SYNE2: variants seen among roughly 807,000 people sequenced by gnomAD.
SYNE2 encodes nesprin-2.
SYNE2 carries 431 observed loss-of-function variants against 856.3 expected under a neutral mutation model. The ratio of observed to expected loss-of-function variants is 0.50; its 90% CI spans 0.47 to 0.55. SYNE2 has a LOEUF of 0.55. Among genes scored for constraint, SYNE2 ranks in the 20% least tolerant of loss-of-function variants. SYNE2 has a pLI of 0.00. For synonymous variants in SYNE2, 2,923 were observed against 2,872.3 expected (o/e 1.02, Z -0.56); for missense variants, 8,129 against 8,023.2 (o/e 1.01, Z -0.50).
intron 90 of SYNE2, chr14:64,166,905 C>G (rs1332575369): frequency 2.8e-6 from 1 of 351,260 alleles, no homozygotes; most frequent in Non-Finnish European, 5.5e-6. Context: ...TGCAGTCCAG[C>G]CTGGGCGACA....
At chr14:64,059,712 A>G (rs2097301440) in intron 49 of SYNE2, among the ~76,000 whole-genome samples, 1 of 152,244 alleles carries the variant, frequency 6.6e-6, no homozygotes, top group African/African-American at 2.4e-5. Context: ...CTTGGGCTCT[A>G]CAATCAACAG....
chr14:63,903,489 A>G (rs1432942292), intron 1 of SYNE2, among the ~76,000 whole-genome samples: 1 of 151,614 alleles, frequency 6.6e-6, no homozygotes, highest in Non-Finnish European at 1.5e-5. Context: ...TTTGTTATTT[A>G]TTTATTTTTA....
At position 64,125,084 on chromosome 14, in the gene SYNE2, C is replaced by T. The variant is rs1403274122; in HGVS notation, c.13428C>T (p.Ser4476=). The T allele has an allele frequency of 6.2e-7, 1 of 1,613,956 alleles. No homozygotes were observed. The highest frequency in any genetic ancestry group is 1.3e-5 in the African/African-American group (1 of 74,928). Residue 4476 remains serine, a synonymous_variant, in exon 71 of 116, where the codon TCC becomes TCT. Transcript: ENST00000555002. ...PLPQLVEPQV[S]TNMGILPSVT... ...GGTTTTCCTTTGTCAAATAGGTTTC[C>T]ACAAATATGGGTATTCTACCCAGCG...
At chr14:64,058,445 C>G (rs927960369) in intron 49 of SYNE2, among the ~76,000 whole-genome samples, 1 of 151,998 alleles carries the variant, frequency 6.6e-6, no homozygotes, top group Non-Finnish European at 1.5e-5. Flanking sequence ...AGTAAACTTT[C>G]GACCCATTAT....
intron 1 of SYNE2, among the ~76,000 whole-genome samples, chr14:63,869,316 A>G (rs1043604053): frequency 3.3e-5 from 5 of 152,082 alleles, no homozygotes; most frequent in Admixed American, 2.0e-4. Context: ...CTGAGCCCCT[A>G]CTTTTTCATC....
At chr14:64,198,240 G>C (rs1329401493) in intron 99 of SYNE2, among the ~76,000 whole-genome samples, 2 of 152,228 alleles carry the variant, frequency 1.3e-5, no homozygotes, top group Non-Finnish European at 2.9e-5. Flanking sequence ...ATGTCAGGCA[G>C]TGTTGTGGTT....
intron 1 of SYNE2, among the ~76,000 whole-genome samples, chr14:63,863,987 A>G (rs1270081796): frequency 6.6e-6 from 1 of 151,900 alleles, no homozygotes; most frequent in African/African-American, 2.4e-5. Context: ...ACGCTTGACT[A>G]ATTTTTTGTA....
At position 64,026,740 on chromosome 14, in the gene SYNE2, A is replaced by G. The variant is rs2096982334; in HGVS notation, c.6404+10A>G. 3.1e-6 allele frequency: 5 copies of G among 1,600,706 alleles called. No homozygotes were observed. Among genetic ancestry groups the G allele is most frequent in the African/African-American group, 1.3e-5 (1 of 74,796 alleles). On this transcript the variant is annotated intron_variant, in intron 42 of 115. Transcript: ENST00000555002. The stretch of plus-strand genomic sequence containing the variant: ...CTAGCACCTACCTAAGGTAAAGGGC[A>G]TGCCTGCACCACTTGCATCATATCC...
chr14:64,152,566 T>C lies in SYNE2; in HGVS notation c.15642T>C (p.Asp5214=). ...ACCTTTTCCTCTTACTCTTCCAGGA[T>C]ATAGAAAATCAACTTGCAATTAAAT... ...SVQKLLLDCQ[D]IENQLAIKSK... The change falls in exon 85 of 116, where the codon GAT becomes GAC. Residue 5214 remains aspartate (D), a splice_region_variant and synonymous_variant. Transcript: ENST00000555002. The C allele has an allele frequency of 6.2e-7, 1 of 1,614,000 alleles. No homozygotes were observed. The highest frequency in any genetic ancestry group is 8.5e-7 in the Non-Finnish European group (1 of 1,179,922).
At position 63,967,739 on chromosome 14, in the gene SYNE2, G is replaced by T. The variant is rs756434420; in HGVS notation, c.1021G>T (p.Glu341Ter). 1 of 1,614,064 alleles carries T rather than the reference G, an allele frequency of 6.2e-7. No homozygotes were observed. Among genetic ancestry groups the T allele is most frequent in the Non-Finnish European group, 8.5e-7 (1 of 1,179,944 alleles). Residue 341 changes from glutamate to a stop codon, truncating the protein, a stop_gained, in exon 11 of 116, where the codon GAA becomes TAA. Coordinates refer to ENST00000555002, the MANE Select transcript of SYNE2 (RefSeq NM_182914.3). LOFTEE classifies it high-confidence loss of function. ...SLLSFMESFNEEKKSFLDVLS... is the reference protein window; with the variant it reads ...SLLSFMESFN ...GCTGTCCTTTATGGAGTCATTCAAT[G>T]AAGAAAAAAAGTCCTTTTTGGATGT...
In SYNE2 at chr14:64,167,365, G is replaced by A. The variant is rs763730992; in HGVS notation, c.16738G>A (p.Ala5580Thr). 6 of 1,614,226 alleles carry A rather than the reference G, an allele frequency of 3.7e-6. No individual in the cohort carries two copies. Among genetic ancestry groups the A allele is most frequent in the Non-Finnish European group, 5.1e-6 (6 of 1,180,032 alleles). Residue 5580 changes from alanine (A) to threonine (T), a missense_variant, in exon 91 of 116, where the codon GCC becomes ACC. By Grantham distance (58) the Ala-to-Thr change is moderately conservative. Coordinates refer to ENST00000555002, the MANE Select transcript of SYNE2 (RefSeq NM_182914.3). ...GAACCGGCAATGGATTCGGGCCACG[G>A]CCACGGCACTGGAGCGCTGCAGGTT... ...NMNRQWIRATATALERCSELQ... is the reference protein window; with the variant it reads ...NMNRQWIRATTTALERCSELQ...
At chr14:63,955,064 C>T in intron 8 of SYNE2, 149 bp downstream of exon 8, 1 of 694,562 alleles carries the variant, frequency 1.4e-6, no homozygotes, top group Non-Finnish European at 2.5e-6. Context: ...TTGATGCAAT[C>T]AAACAATTCC....
At chr14:63,882,985 AC>A (rs2094899892) in intron 1 of SYNE2, among the ~76,000 whole-genome samples, 1 of 119,588 alleles carries the variant, frequency 8.4e-6, no homozygotes, top group Non-Finnish European at 1.8e-5. Context: ...CATAGTAAGC[AC>A]TCTGTTTTTT....
chr14:64,017,594 G>C lies in SYNE2; in HGVS notation c.4888-1G>C, dbSNP rs1231215343. On this transcript the variant is annotated splice_acceptor_variant, in intron 33 of 115. Transcript: ENST00000555002. LOFTEE classifies it high-confidence loss of function. The stretch of plus-strand genomic sequence containing the variant: ...TTGTTTCTCTTTTTAAATTATGGTA[G>C]ATAAATGAGAAGACAGAAGATTACT... The C allele has an allele frequency of 5.6e-6, 9 of 1,609,454 alleles. No homozygotes were observed. The highest frequency in any genetic ancestry group is 6.8e-6 in the Non-Finnish European group (8 of 1,176,932).
chr14:64,216,539 G>T, intron 108 of SYNE2, 152 bp downstream of exon 108: 1 of 887,724 alleles, frequency 1.1e-6, no homozygotes, highest in Admixed American at 1.9e-5. Context: ...CTGTTGAGCT[G>T]TCCATACTTC....
intron 96 of SYNE2, among the ~76,000 whole-genome samples, chr14:64,183,158 A>T (rs1378948997): frequency 1.4e-5 from 2 of 147,114 alleles, no homozygotes; most frequent in Non-Finnish European, 3.0e-5. Flanking sequence ...CACTTCTCGG[A>T]CGGGGCGACT....
intron 2 of SYNE2, among the ~76,000 whole-genome samples, chr14:63,932,443 A>G (rs1334910908): frequency 1.3e-5 from 2 of 152,116 alleles, no homozygotes; most frequent in East Asian, 3.9e-4. Context: ...GCAGTGGCTC[A>G]TGCCTGTAAT....
chr14:64,216,387 T>C lies in SYNE2; in HGVS notation c.19542T>C (p.Tyr6514=), dbSNP rs904364473. The C allele has an allele frequency of 2.5e-6, 4 of 1,614,062 alleles. No homozygotes were observed. The African/African-American group carries it at 4.0e-5, about 16-fold the overall frequency. The change falls in exon 108 of 116, where the codon TAT becomes TAC. Residue 6514 remains tyrosine, a splice_region_variant and synonymous_variant. Coordinates refer to ENST00000555002, the MANE Select transcript of SYNE2 (RefSeq NM_182914.3). ...CCAGCACCCCTTATAAACCACCCTA[T>C]GTAAGTCTTAACTTCACTGGGAGTA... ...PASSTPYKPP[Y]GKLLLPPGTD...
Position 63,963,549 on chromosome 14 carries a change from G to T in SYNE2, c.889-350G>T, listed in dbSNP as rs1255887. Among the ~76,000 whole-genome samples the T allele has an allele frequency of 0.31, 47,721 of 151,948 alleles. 7,783 individuals are homozygous for T. The highest frequency in any genetic ancestry group is 0.37 in the African/African-American group (15,494 of 41,420). ...AGTTATTTTTGATGTCAGTGTTTTT[G>T]CAGGGTGTGAACATCTCTTGAATTA... On this transcript the variant is annotated intron_variant, in intron 9 of 115. Transcript: ENST00000555002.
Sources: allele counts gnomAD v4.1 joint callset (sites outside exome capture counted in the v4.1 genomes callset), GRCh38; gene constraint gnomAD v4.1.1; transcripts MANE v1.5; gene names NCBI Gene and HGNC (gene_info 2026-07-23, HGNC 2026-07-21).